UBE2Q1: variants seen among roughly 807,000 people sequenced by gnomAD.
UBE2Q1 encodes ubiquitin conjugating enzyme E2 Q1, also known as ubiquitin-conjugating enzyme E2 Q1.
Under a neutral mutation model 60.1 loss-of-function variants are expected in UBE2Q1, and 6 were observed. The observed-to-expected ratio is 0.10, with a 90% CI of 0.05 to 0.20. The LOEUF is 0.20. Among genes scored for constraint, UBE2Q1 ranks in the 10% least tolerant of loss-of-function variants. UBE2Q1 has a pLI of 1.00. For missense variants in UBE2Q1, 262 were observed against 525.8 expected, an observed-to-expected ratio of 0.50 and a Z score of 4.91; for synonymous variants, 226 against 208.3, an observed-to-expected ratio of 1.09 and a Z score of -0.73.
intron 12 of UBE2Q1, 96 bp from the exon 13 acceptor site, chr1:154,550,565 G>C: frequency 6.3e-7 from 1 of 1,590,516 alleles, no homozygotes; most frequent in Admixed American, 1.7e-5. Context: ...GCAGAGATAA[G>C]AGGATATTGG....
At chr1:154,558,003 G>A (rs1055870570) in intron 1 of UBE2Q1, among the ~76,000 whole-genome samples, 2 of 152,040 alleles carry the variant, frequency 1.3e-5, no homozygotes, top group South Asian at 4.1e-4. Flanking sequence ...GGGTAGTCTA[G>A]GCGCCATATG....
At chr1:154,552,638 A>G (rs1695812168) in intron 6 of UBE2Q1, 98 bp downstream of exon 6, 2 of 1,488,974 alleles carry the variant, frequency 1.3e-6, no homozygotes, top group African/African-American at 2.8e-5. Flanking sequence ...TGAAAAGTTC[A>G]TAAGCACTCC....
At chr1:154,555,124 C>A (rs1157717957) in intron 3 of UBE2Q1, 2 of 547,232 alleles carry the variant, frequency 3.7e-6, no homozygotes, top group Admixed American at 3.1e-5. Flanking sequence ...CACCAAGGGG[C>A]CTGGGTCCCC....
chr1:154,550,493 T>C (rs1293721220), intron 12 of UBE2Q1, 24 bp from the exon 13 acceptor site: 19 of 1,613,456 alleles, frequency 1.2e-5, no homozygotes, highest in Non-Finnish European at 1.5e-5. Context: ...GAATGGTCAG[T>C]GAGGTGAAGG....
chr1:154,551,643 T>G (rs1695791915), intron 10 of UBE2Q1, 128 bp downstream of exon 10: 2 of 1,481,166 alleles, frequency 1.4e-6, no homozygotes, highest in Non-Finnish European at 1.9e-6. Flanking sequence ...GGTCAGTGGG[T>G]GCAGACCCAG....
At chr1:154,555,061 A>C in intron 3 of UBE2Q1, 1 of 531,012 alleles carries the variant, frequency 1.9e-6, no homozygotes, top group South Asian at 2.7e-5. Context: ...AATTCTCCTA[A>C]GAACCCCTCC....
chr1:154,550,516 C>T (rs769908470), intron 12 of UBE2Q1, 47 bp from the exon 13 acceptor site: 98 of 1,612,370 alleles, frequency 6.1e-5, no homozygotes, highest in Non-Finnish European at 4.1e-5. Flanking sequence ...CAGGCCCACC[C>T]TCCCTGTCCT....
rs1695746418 is a variant in UBE2Q1 at position 154,549,001 on chromosome 1, T to G, written c.*1437A>C. The G allele has an allele frequency of 6.6e-6, 1 of 152,584 alleles. No individual in the cohort carries two copies. The highest frequency in any genetic ancestry group is 2.4e-5 in the African/African-American group (1 of 41,456). The allele number at this position is 152,584 out of a possible 1,614,324, so 9.5% of individuals were successfully genotyped here. A position where few individuals can be genotyped will look rare whatever the true frequency, so the allele number is the denominator to read the frequency against. On this transcript the variant is annotated 3_prime_UTR_variant, in exon 13 of 13. Transcript: ENST00000292211. ...TTACAGAACTGCTCTAGCATCCTAG[T>G]TCCCAGGCAGTTGTCCCAAGTCTGG...
At position 154,558,453 on chromosome 1, in the gene UBE2Q1, C is replaced by T. The variant is rs1469467683; in HGVS notation, c.101G>A (p.Gly34Asp). Residue 34 changes from glycine (G) to aspartate (D), a missense_variant, in exon 1 of 13, where the codon GGC becomes GAC. Physicochemically the swap from Gly to Asp is moderately conservative, Grantham distance 94. Coordinates refer to ENST00000292211, the MANE Select transcript of UBE2Q1 (RefSeq NM_017582.7). ...APGAGGGPGG[G>D]PGPGPCLRRE... is the part of the protein sequence containing the mutation. ...CCTCAGGCAGGGCCCCGGCCCCGGG[C>T]CCCCCCCTGGGCCGCCCCCGGCCCC... is the stretch of plus-strand genomic sequence containing the variant. The T allele has an allele frequency of 1.4e-6, 2 of 1,430,486 alleles. No individual in the cohort carries two copies. The highest frequency in any genetic ancestry group is 3.1e-5 in the East Asian group (1 of 32,076). 88.6% of individuals were successfully genotyped at this position (1,430,486 alleles called of 1,614,324 possible).
intron 3 of UBE2Q1, chr1:154,555,139 G>A: frequency 9.1e-6 from 5 of 550,898 alleles, no homozygotes; most frequent in Non-Finnish European, 1.6e-5. Context: ...GTCCCCAGTG[G>A]CCACCAACTG....
rs1160492661 is a variant in UBE2Q1 at position 154,552,529 on chromosome 1, AC to A, written c.815-66del. On this transcript the variant is annotated intron_variant, in intron 6 of 12. Transcript: ENST00000292211. ...AGGTGGTGAGTGGTCTCTAATGCAG[AC>A]CCCTTTCCCAGACTGAGAGAAAAAG... 3 of 1,581,188 alleles carry A rather than the reference AC, an allele frequency of 1.9e-6. No homozygotes were observed. In the African/African-American group the frequency reaches 4.0e-5, roughly 21 times the overall value.
chr1:154,558,471 C>G lies in UBE2Q1; in HGVS notation c.83G>C (p.Gly28Ala), dbSNP rs1695933838. 1 of 1,309,276 alleles carries G rather than the reference C, an allele frequency of 7.6e-7. No homozygotes were observed. The highest frequency in any genetic ancestry group is 1.6e-5 in the African/African-American group (1 of 63,586). 81.1% of individuals were successfully genotyped at this position (1,309,276 alleles called of 1,614,324 possible). Residue 28 changes from glycine to alanine, a missense_variant, in exon 1 of 13, where the codon GGG becomes GCG. By Grantham distance (60) the Gly-to-Ala change is moderately conservative (BLOSUM62 0). Around this residue, in one of 5 missense-constraint regions of UBE2Q1, gnomAD observed 70 missense variants for 56.7 expected, o/e 1.24. Coordinates refer to ENST00000292211, the MANE Select transcript of UBE2Q1 (RefSeq NM_017582.7). ...LGGQGAAPGA[G>A]GGPGGGPGPG... The stretch of plus-strand genomic sequence containing the variant: ...CCCCGGGCCCCCCCCTGGGCCGCCC[C>G]CGGCCCCCGGCGCCGCCCCCTGGCC...
rs1038033512 is a variant in UBE2Q1, at chr1:154,558,615, C to T, written c.-62G>A. On this transcript the variant is annotated 5_prime_UTR_variant, in exon 1 of 13. Transcript: ENST00000292211. ...GAGCCTCCGGCCTGCGCTCCGGGCTCCGCCGCCGCCGCCGCCGCCGCCGCC... is the reference window on the plus strand; with the variant it reads ...GAGCCTCCGGCCTGCGCTCCGGGCTTCGCCGCCGCCGCCGCCGCCGCCGCC... 1 of 38,008 alleles carries T rather than the reference C, an allele frequency of 2.6e-5. No individual in the cohort carries two copies. The highest frequency in any genetic ancestry group is 3.3e-5 in the Non-Finnish European group (1 of 30,128). 2.4% of individuals were successfully genotyped at this position (38,008 alleles called of 1,614,324 possible). A position where few individuals can be genotyped will look rare whatever the true frequency, so the allele number is the denominator to read the frequency against.
chr1:154,551,731 C>G (rs375830677), intron 10 of UBE2Q1, 40 bp downstream of exon 10: 2 of 1,613,306 alleles, frequency 1.2e-6, no homozygotes, highest in African/African-American at 2.7e-5. Flanking sequence ...AGACAATCCC[C>G]GCCCAGGCCG....
rs367860920 is a variant in UBE2Q1 at position 154,550,481 on chromosome 1, T to A, written c.1238-12A>T. 1.2e-6 allele frequency: 2 copies of A among 1,613,550 alleles called. No homozygotes were observed. Among genetic ancestry groups the A allele is most frequent in the African/African-American group, 1.3e-5 (1 of 74,786 alleles). On this transcript the variant is annotated splice_polypyrimidine_tract_variant and intron_variant, in intron 12 of 12. Transcript: ENST00000292211. ...GGGTGTGTACCAGCCTGCAAAGAAA[T>A]GGAATGGTCAGTGAGGTGAAGGTTC...
At chr1:154,550,857 G>A in intron 12 of UBE2Q1, 81 bp downstream of exon 12, 4 of 1,610,512 alleles carry the variant, frequency 2.5e-6, no homozygotes, top group South Asian at 1.1e-5. Context: ...ACCAAAAGAA[G>A]GGGTTCTTGC....
At position 154,558,083 on chromosome 1, in the gene UBE2Q1, A is replaced by AAACAAATGT; in HGVS notation, c.327+135_327+143dup. The AAACAAATGT allele has an allele frequency of 9.4e-6, 6 of 636,630 alleles. No homozygotes were observed. The South Asian group carries it at 1.4e-4, about 15-fold the overall frequency. 39.4% of individuals were successfully genotyped at this position (636,630 alleles called of 1,614,324 possible). A position where few individuals can be genotyped will look rare whatever the true frequency, so the allele number is the denominator to read the frequency against. On this transcript the variant is annotated intron_variant, in intron 1 of 12. Coordinates refer to ENST00000292211, the MANE Select transcript of UBE2Q1 (RefSeq NM_017582.7). Reference sequence around the variant, plus strand: ...TGCACTGCATAACCTCAAGCAGCAGAAACAAATGTAACCTGGAGAGAAAGA... The same window carrying AAACAAATGT: ...TGCACTGCATAACCTCAAGCAGCAGAAACAAATGTAACAAATGTAACCTGGAGAGAAAGA...
intron 2 of UBE2Q1, 73 bp downstream of exon 2, chr1:154,555,787 C>G (rs1695874360): frequency 1.4e-6 from 2 of 1,379,818 alleles, no homozygotes; most frequent in Non-Finnish European, 2.1e-6. Flanking sequence ...TTTTCAGGAT[C>G]CCTTTCACAG....
chr1:154,554,583 A>G, intron 4 of UBE2Q1, 152 bp downstream of exon 4: 1 of 795,388 alleles, frequency 1.3e-6, no homozygotes, highest in Non-Finnish European at 2.0e-6. Flanking sequence ...TGTCTCCTCT[A>G]CTACACTGGC....
Sources: allele counts gnomAD v4.1 joint callset (sites outside exome capture counted in the v4.1 genomes callset), GRCh38; gene constraint gnomAD v4.1.1; regional missense constraint gnomAD v4.1.1; transcripts MANE v1.5; gene names NCBI Gene and HGNC (gene_info 2026-07-23, HGNC 2026-07-21).